Variants in CCDC85A observed in about 807,000 individuals in gnomAD.
CCDC85A encodes coiled-coil domain-containing protein 85A.
A neutral mutation model predicts 50.2 loss-of-function variants in CCDC85A; 38 were observed. The observed-to-expected ratio is 0.76, with a 90% CI of 0.58 to 0.99. The LOEUF (loss-of-function observed/expected upper bound fraction) is 0.99. Ranked by LOEUF, CCDC85A falls within the 50% of genes least tolerant of loss-of-function variation. The probability of loss-of-function intolerance (pLI) is 0.00; values close to 1 mark genes in which losing one functional copy is unlikely to be tolerated. For synonymous variants in CCDC85A, 366 were observed against 301.4 expected (o/e 1.21, Z -2.22); for missense variants, 820 against 742.0 (o/e 1.11, Z -1.22).
chr2:56,282,799 C>A (rs1558621796), intron 2 of CCDC85A, among the ~76,000 whole-genome samples: 1 of 152,222 alleles, frequency 6.6e-6, no homozygotes, highest in Admixed American at 6.5e-5. Context: ...CGTGAGCCAC[C>A]ATTCCCGGCC....
At chr2:56,241,191 T>A (rs920042660) in intron 2 of CCDC85A, among the ~76,000 whole-genome samples, 16 of 152,246 alleles carry the variant, frequency 1.1e-4, no homozygotes, top group African/African-American at 3.9e-4. Flanking sequence ...AATTTTTATT[T>A]TGTGGGAGAT....
At chr2:56,211,321 G>A (rs1322476893) in intron 2 of CCDC85A, among the ~76,000 whole-genome samples, 1 of 152,026 alleles carries the variant, frequency 6.6e-6, no homozygotes, top group East Asian at 1.9e-4. Flanking sequence ...GTCCTTTCTT[G>A]TATTTGCACT....
intron 2 of CCDC85A, among the ~76,000 whole-genome samples, chr2:56,237,182 A>T (rs1440226374): frequency 3.3e-5 from 5 of 152,134 alleles, no homozygotes; most frequent in Non-Finnish European, 7.4e-5. Context: ...GCTCAGTGTG[A>T]AGAGTCACTC....
At chr2:56,200,458 G>A (rs1470071809) in intron 2 of CCDC85A, among the ~76,000 whole-genome samples, 1 of 152,218 alleles carries the variant, frequency 6.6e-6, no homozygotes, top group African/African-American at 2.4e-5. Context: ...CGGGACACTT[G>A]AGGATACAGA....
At chr2:56,328,376 G>A (rs1007207473) in intron 2 of CCDC85A, among the ~76,000 whole-genome samples, 8 of 152,112 alleles carry the variant, frequency 5.3e-5, no homozygotes, top group African/African-American at 1.9e-4. Context: ...CAAGGCTGGG[G>A]ACAAGGGGAT....
At chr2:56,360,823 C>G (rs976105747) in intron 3 of CCDC85A, among the ~76,000 whole-genome samples, 1 of 152,200 alleles carries the variant, frequency 6.6e-6, no homozygotes, top group Non-Finnish European at 1.5e-5. Flanking sequence ...ATAGGCTAAA[C>G]AGAAGCAGTG....
rs116630623 is a variant in CCDC85A, at chr2:56,261,524, T to C, written c.1240+68084T>C. 4.2e-3 allele frequency among the ~76,000 whole-genome samples: 634 copies of C among 152,010 alleles called. 3 individuals carry two copies. Among genetic ancestry groups the C allele is most frequent in the African/African-American group, 0.015 (611 of 41,556 alleles). ...TCACTTTGGTTGTATTCCCACAATG[T>C]GTGCTTCATCTTACTTACTTCCATT... On this transcript the variant is annotated intron_variant, in intron 2 of 5. Transcript: ENST00000407595.
intron 2 of CCDC85A, among the ~76,000 whole-genome samples, chr2:56,297,543 C>T (rs1672010555): frequency 6.6e-6 from 1 of 152,120 alleles, no homozygotes; most frequent in South Asian, 2.1e-4. Flanking sequence ...AGTTAACTGA[C>T]TGAATGATGC....
At chr2:56,250,420 A>G (rs970829727) in intron 2 of CCDC85A, among the ~76,000 whole-genome samples, 1 of 152,148 alleles carries the variant, frequency 6.6e-6, no homozygotes, top group Non-Finnish European at 1.5e-5. Context: ...CTGCTTGAAC[A>G]TTGTTGAAAA....
At chr2:56,356,459 G>T (rs1675229497) in intron 3 of CCDC85A, among the ~76,000 whole-genome samples, 1 of 152,170 alleles carries the variant, frequency 6.6e-6, no homozygotes, top group African/African-American at 2.4e-5. Context: ...TGGCAGCTTA[G>T]GTTCTTTGCC....
At chr2:56,312,273 T>C (rs1041288626) in intron 2 of CCDC85A, among the ~76,000 whole-genome samples, 2 of 152,082 alleles carry the variant, frequency 1.3e-5, no homozygotes, top group African/African-American at 2.4e-5. Flanking sequence ...ACTCTAAATT[T>C]ATGAGGAGAA....
chr2:56,293,500 C>G (rs1356376633), intron 2 of CCDC85A, among the ~76,000 whole-genome samples: 4 of 152,118 alleles, frequency 2.6e-5, no homozygotes, highest in Admixed American at 2.6e-4. Context: ...AACTAAAGAG[C>G]TTCTGCACAG....
intron 2 of CCDC85A, among the ~76,000 whole-genome samples, chr2:56,340,702 C>T (rs1024155446): frequency 6.6e-6 from 1 of 151,630 alleles, no homozygotes; most frequent in African/African-American, 2.4e-5. Context: ...ATGGAGAAAC[C>T]CTGTCTCTAC....
intron 1 of CCDC85A, among the ~76,000 whole-genome samples, chr2:56,191,123 C>T (rs1355758755): frequency 1.3e-5 from 2 of 152,218 alleles, no homozygotes; most frequent in African/African-American, 4.8e-5. Context: ...ATCATCTTCA[C>T]TCAAATGTTG....
chr2:56,238,618 C>A (rs1669125389), intron 2 of CCDC85A, among the ~76,000 whole-genome samples: 1 of 151,992 alleles, frequency 6.6e-6, no homozygotes, highest in Non-Finnish European at 1.5e-5. Flanking sequence ...TATTTGGAAG[C>A]TTTGTCTTTA....
intron 2 of CCDC85A, among the ~76,000 whole-genome samples, chr2:56,298,939 A>G (rs912715537): frequency 2.6e-5 from 4 of 152,302 alleles, no homozygotes; most frequent in African/African-American, 9.6e-5. Flanking sequence ...GGCTAAGGAC[A>G]GGATCAAAGG....
At chr2:56,370,224 C>T (rs950079854) in intron 3 of CCDC85A, among the ~76,000 whole-genome samples, 16 of 152,100 alleles carry the variant, frequency 1.1e-4, no homozygotes, top group African/African-American at 1.2e-4. Flanking sequence ...ACAAGTTTAA[C>T]GACTGAATTA....
At chr2:56,283,124 A>G (rs555179626) in intron 2 of CCDC85A, among the ~76,000 whole-genome samples, 61 of 152,216 alleles carry the variant, frequency 4.0e-4, no homozygotes, top group African/African-American at 1.1e-3. Flanking sequence ...TTACTTTCCA[A>G]TATGTGTAGT....
intron 3 of CCDC85A, among the ~76,000 whole-genome samples, chr2:56,352,615 G>A (rs1675011952): frequency 6.6e-6 from 1 of 152,146 alleles, no homozygotes. Flanking sequence ...CAAAGTGCTG[G>A]GATTACAGGT....
Sources: allele counts gnomAD v4.1 joint callset (sites outside exome capture counted in the v4.1 genomes callset), GRCh38; gene constraint gnomAD v4.1.1; transcripts MANE v1.5; gene names NCBI Gene and HGNC (gene_info 2026-07-23, HGNC 2026-07-21).